The following CFAP36 variants were observed in gnomAD, a reference collection of about 807,000 sequenced individuals.
The protein encoded by CFAP36 is cilia- and flagella-associated protein 36.
A neutral mutation model predicts 50.5 loss-of-function variants in CFAP36; 37 were observed. The observed-to-expected ratio is 0.73, with a 90% CI of 0.56 to 0.96. CFAP36 has a LOEUF of 0.96. CFAP36 is among the 50% of genes least tolerant of loss of function. CFAP36 has a pLI of 0.00. For synonymous variants in CFAP36, 138 were observed against 128.2 expected (o/e 1.08, Z -0.52); for missense variants, 407 against 396.2 (o/e 1.03, Z -0.23).
intron 3 of CFAP36, among the ~76,000 whole-genome samples, chr2:55,524,122 C>A (rs1055250450): frequency 1.3e-5 from 2 of 152,200 alleles, no homozygotes; most frequent in African/African-American, 4.8e-5. Flanking sequence ...TCTGCAGTTG[C>A]TCCTTTTATA....
intron 3 of CFAP36, among the ~76,000 whole-genome samples, chr2:55,526,088 T>C (rs1315498823): frequency 6.6e-6 from 1 of 152,190 alleles, no homozygotes; most frequent in Non-Finnish European, 1.5e-5. Flanking sequence ...TATAGCAGCT[T>C]TGCTGCTTAT....
At position 55,528,847 on chromosome 2, in the gene CFAP36, T is replaced by C. The variant is rs532615858; in HGVS notation, c.283-31T>C. 31 of 1,382,068 alleles carry C rather than the reference T, an allele frequency of 2.2e-5. No individual in the cohort carries two copies. The South Asian group carries it at 3.3e-4, about 15-fold the overall frequency. 85.6% of individuals were successfully genotyped at this position (1,382,068 alleles called of 1,614,324 possible). ...ATGGGTAATAGTTTTAAAACTTGAA[T>C]CTTCATTTCACTTGAGACTTCTTTC... On this transcript the variant is annotated intron_variant, in intron 3 of 9. Coordinates refer to ENST00000349456, the MANE Select transcript of CFAP36 (RefSeq NM_080667.7).
At position 55,535,543 on chromosome 2, in the gene CFAP36, C is replaced by G. The variant is rs1574621923; in HGVS notation, c.486-169C>G. 3.9e-5 allele frequency among the ~76,000 whole-genome samples: 6 copies of G among 152,294 alleles called. 1 individual carries two copies. Among genetic ancestry groups the G allele is most frequent in the Admixed American group, 3.9e-4 (6 of 15,298 alleles). ...TATTATGCTGTATGCCTATGTATGT[C>G]TTTCCCAGTTGACTGTAAGCCACTT... On this transcript the variant is annotated intron_variant, in intron 5 of 9. Coordinates refer to ENST00000349456, the MANE Select transcript of CFAP36 (RefSeq NM_080667.7).
intron 3 of CFAP36, among the ~76,000 whole-genome samples, chr2:55,527,581 CAAAATAAA>C (rs1262984379): frequency 2.1e-5 from 3 of 144,950 alleles, no homozygotes; most frequent in African/African-American, 7.4e-5. Context: ...GACTGCATTT[CAAAATAAA>C]TAAATAAATA....
chr2:55,544,105 A>G, intron 8 of CFAP36, 31 bp downstream of exon 8: 1 of 1,612,544 alleles, frequency 6.2e-7, no homozygotes, highest in South Asian at 1.1e-5. Context: ...AAGAACTATA[A>G]GCAAAATGAC....
intron 4 of CFAP36, 97 bp from the exon 5 acceptor site, chr2:55,533,776 A>G: frequency 1.8e-6 from 1 of 552,254 alleles, no homozygotes; most frequent in Non-Finnish European, 3.3e-6. Flanking sequence ...ACAGTGATAG[A>G]TCTGAAGGTA....
intron 9 of CFAP36, 105 bp downstream of exon 9, chr2:55,544,474 T>C: frequency 9.1e-7 from 1 of 1,103,066 alleles, no homozygotes; most frequent in Non-Finnish European, 1.3e-6. Flanking sequence ...TGCAGACCCA[T>C]TCATATTAAT....
At position 55,533,964 on chromosome 2, in the gene CFAP36, C is replaced by T; in HGVS notation, c.485+4C>T. On this transcript the variant is annotated splice_donor_region_variant and intron_variant, in intron 5 of 9. Coordinates refer to ENST00000349456, the MANE Select transcript of CFAP36 (RefSeq NM_080667.7). The stretch of plus-strand genomic sequence containing the variant: ...AAATCCTGAGGGAAGTTCTTAGGTA[C>T]CATTCTTTAATTGTTTTTTAAATGA... 6.4e-7 allele frequency: 1 copy of T among 1,562,572 alleles called. No homozygotes were observed. Among genetic ancestry groups the T allele is most frequent in the East Asian group, 2.2e-5 (1 of 44,566 alleles).
chr2:55,545,021 A>C lies in CFAP36; in HGVS notation c.*13A>C, dbSNP rs199960932. The C allele has an allele frequency of 1.4e-6, 2 of 1,427,162 alleles. No individual in the cohort carries two copies. Among genetic ancestry groups the C allele is most frequent in the East Asian group, 2.4e-5 (1 of 42,014 alleles). 88.4% of individuals were successfully genotyped at this position (1,427,162 alleles called of 1,614,324 possible). ...TATTAATAAGTAATAATTAAGAACA[A>C]TTTAACAAAATGGAAGTTCAAATTG... On this transcript the variant is annotated 3_prime_UTR_variant, in exon 10 of 10. Coordinates refer to ENST00000349456, the MANE Select transcript of CFAP36 (RefSeq NM_080667.7).
intron 7 of CFAP36, among the ~76,000 whole-genome samples, chr2:55,543,496 T>C (rs1395976629): frequency 2.0e-5 from 3 of 152,202 alleles, no homozygotes; most frequent in Admixed American, 2.0e-4. Context: ...ATACAAAAAA[T>C]TATAGTTTTA....
intron 3 of CFAP36, among the ~76,000 whole-genome samples, chr2:55,525,250 G>A (rs1222692384): frequency 1.3e-5 from 2 of 152,008 alleles, no homozygotes; most frequent in Non-Finnish European, 2.9e-5. Context: ...CCAGGGGTTC[G>A]AAACCAGCCT....
At chr2:55,524,715 C>T (rs1684157135) in intron 3 of CFAP36, among the ~76,000 whole-genome samples, 1 of 152,114 alleles carries the variant, frequency 6.6e-6, no homozygotes, top group Non-Finnish European at 1.5e-5. Flanking sequence ...GGAGTAGTGG[C>T]TCACGCCTGT....
chr2:55,534,729 C>T (rs2103655255), intron 5 of CFAP36, among the ~76,000 whole-genome samples: 1 of 152,310 alleles, frequency 6.6e-6, no homozygotes, highest in South Asian at 2.1e-4. Context: ...GGGGTCACTT[C>T]TTCTCCAACT....
chr2:55,520,805 G>C (rs1003046400), intron 1 of CFAP36, among the ~76,000 whole-genome samples: 1 of 152,208 alleles, frequency 6.6e-6, no homozygotes, highest in African/African-American at 2.4e-5. Flanking sequence ...GAGTAGAATA[G>C]AGCTAGGGTC....
At chr2:55,522,025 G>T in intron 1 of CFAP36, 77 bp from the exon 2 acceptor site, 3 of 709,710 alleles carry the variant, frequency 4.2e-6, no homozygotes, top group Non-Finnish European at 7.3e-6. Context: ...GTTCTATTTG[G>T]AAGGAGTGGA....
intron 3 of CFAP36, among the ~76,000 whole-genome samples, chr2:55,528,566 T>A (rs1052126437): frequency 1.3e-5 from 2 of 151,980 alleles, no homozygotes; most frequent in Non-Finnish European, 2.9e-5. Flanking sequence ...GCTAATTTTT[T>A]TATTTTTTTA....
At chr2:55,530,903 G>C (rs1328348339) in intron 4 of CFAP36, 1 of 152,130 alleles carries the variant, frequency 6.6e-6, no homozygotes, top group Non-Finnish European at 1.5e-5. Flanking sequence ...GCTCTTAAGG[G>C]CCTGGAACAT....
At chr2:55,540,939 C>T (rs1024050097) in intron 7 of CFAP36, among the ~76,000 whole-genome samples, 14 of 151,278 alleles carry the variant, frequency 9.3e-5, no homozygotes, top group Admixed American at 5.9e-4. Flanking sequence ...CTTGAGCCCA[C>T]GAGGTGGATG....
rs943058008 is a variant in CFAP36 at position 55,520,484 on chromosome 2, G to A, written c.115+568G>A. On this transcript the variant is annotated intron_variant, in intron 1 of 9. Coordinates refer to ENST00000349456, the MANE Select transcript of CFAP36 (RefSeq NM_080667.7). ...TGGTGGCCTGTGTTCCCCTTGGTGA[G>A]CTCTCTACTCTTCGCTATACCAAAA... 57 of 1,542,448 alleles carry A rather than the reference G, an allele frequency of 3.7e-5. No homozygotes were observed. In the East Asian group the frequency reaches 1.3e-3, roughly 36 times the overall value.
Sources: allele counts gnomAD v4.1 joint callset (sites outside exome capture counted in the v4.1 genomes callset), GRCh38; gene constraint gnomAD v4.1.1; transcripts MANE v1.5; gene names NCBI Gene and HGNC (gene_info 2026-07-23, HGNC 2026-07-21).